SMIM14: variants seen among roughly 807,000 people sequenced by gnomAD.
The protein encoded by SMIM14 is chromosome 4 open reading frame 34.
In SMIM14, 5 loss-of-function variants were observed where a neutral mutation model predicts 12.6. That is an observed-to-expected ratio of 0.40 (90% CI 0.21 to 0.83). SMIM14 has a LOEUF of 0.83. Among genes scored for constraint, SMIM14 ranks in the 40% least tolerant of loss-of-function variants. The pLI, the probability that SMIM14 is intolerant of heterozygous loss-of-function variation, is 0.37. For synonymous variants in SMIM14, 30 were observed against 40.1 expected (o/e 0.75, Z 0.95); for missense variants, 86 against 119.1 (o/e 0.72, Z 1.29).
intron 2 of SMIM14, among the ~76,000 whole-genome samples, chr4:39,604,307 T>A (rs1451720596): frequency 7.2e-5 from 11 of 151,896 alleles, no homozygotes; most frequent in Non-Finnish European, 1.5e-4. Flanking sequence ...GGGGCTAAGG[T>A]GGGCAGAACA....
In SMIM14 at chr4:39,616,572, G is replaced by A. The variant is rs150715255; in HGVS notation, c.-35-11392C>T. ...TCCTCCCTGGTACCCACATCAAAAC[G>A]TAACAGAATAGTGTAACCTGACTGT... On this transcript the variant is annotated intron_variant, in intron 1 of 4. Coordinates refer to ENST00000295958, the MANE Select transcript of SMIM14 (RefSeq NM_174921.3). Among the ~76,000 whole-genome samples, 40 of 149,296 alleles carry A rather than the reference G, an allele frequency of 2.7e-4. No homozygotes were observed. In the East Asian group the frequency reaches 7.3e-3, roughly 27 times the overall value.
intron 2 of SMIM14, chr4:39,589,838 C>T (rs12504463): frequency 0.13 from 19,907 of 151,568 alleles, 1,956 homozygotes; most frequent in South Asian, 0.32. Context: ...GTCAGGAGTT[C>T]GAGACCAGTC....
chr4:39,637,724 T>C (rs776371055), intron 1 of SMIM14, among the ~76,000 whole-genome samples: 3 of 152,006 alleles, frequency 2.0e-5, no homozygotes, highest in Non-Finnish European at 2.9e-5. Context: ...CCACCCTAAG[T>C]GGAAGGGAAT....
intron 2 of SMIM14, among the ~76,000 whole-genome samples, chr4:39,585,288 T>C (rs926067491): frequency 1.5e-4 from 22 of 150,262 alleles, no homozygotes; most frequent in African/African-American, 4.9e-4. Context: ...CACATATTAC[T>C]TCTATTATTA....
chr4:39,618,778 T>C (rs1259403166), intron 1 of SMIM14, among the ~76,000 whole-genome samples: 1 of 152,130 alleles, frequency 6.6e-6, no homozygotes, highest in Non-Finnish European at 1.5e-5. Flanking sequence ...TAATAGCTTT[T>C]ATATTTTTTA....
chr4:39,578,024 T>A lies in SMIM14; in HGVS notation c.76-5561A>T, dbSNP rs1434797825. 2.0e-5 allele frequency among the ~76,000 whole-genome samples: 3 copies of A among 152,250 alleles called. No homozygotes were observed. The East Asian group carries it at 5.8e-4, about 29-fold the overall frequency. On this transcript the variant is annotated intron_variant, in intron 2 of 4. Coordinates refer to ENST00000295958, the MANE Select transcript of SMIM14 (RefSeq NM_174921.3). Reference sequence around the variant, plus strand: ...ACTTAAGGTTTTTGGCAAAGCAGAGTGTGCTGGAATGTATATTCAATGTGT... The same window carrying A: ...ACTTAAGGTTTTTGGCAAAGCAGAGAGTGCTGGAATGTATATTCAATGTGT...
intron 2 of SMIM14, among the ~76,000 whole-genome samples, chr4:39,581,866 GTCTTT>G (rs1334965049): frequency 7.1e-6 from 1 of 141,302 alleles, no homozygotes; most frequent in African/African-American, 2.6e-5. Context: ...CCCAGCAAAT[GTCTTT>G]TCTTTTTTTT....
chr4:39,592,639 TA>T (rs1392802638), intron 2 of SMIM14: 1 of 152,100 alleles, frequency 6.6e-6, no homozygotes, highest in Non-Finnish European at 1.5e-5. Flanking sequence ...TCAAATCATA[TA>T]ACTATGGTGC....
intron 1 of SMIM14, among the ~76,000 whole-genome samples, chr4:39,629,170 G>A (rs977180951): frequency 2.6e-5 from 4 of 151,592 alleles, no homozygotes; most frequent in Admixed American, 2.0e-4. Context: ...AGACCAGCCC[G>A]GCTAACATGG....
rs1473344687 is a variant in SMIM14, at chr4:39,549,648, C to A, written c.*2478G>T. 6.6e-6 allele frequency: 1 copy of A among 152,180 alleles called. No homozygotes were observed. The highest frequency in any genetic ancestry group is 1.5e-5 in the Non-Finnish European group (1 of 68,036). 9.4% of individuals were successfully genotyped at this position (152,180 alleles called of 1,614,324 possible). Reference sequence around the variant, plus strand: ...TCAATATCTCTTGCCAGGGATTGGCCTAACAGCTCAGAGAACAGATTGTTA... The same window carrying A: ...TCAATATCTCTTGCCAGGGATTGGCATAACAGCTCAGAGAACAGATTGTTA... On this transcript the variant is annotated 3_prime_UTR_variant, in exon 5 of 5. Coordinates refer to ENST00000295958, the MANE Select transcript of SMIM14 (RefSeq NM_174921.3).
rs919915609 is a variant in SMIM14, at chr4:39,630,498, T to G, written c.-36+8241A>C. Among the ~76,000 whole-genome samples the G allele has an allele frequency of 5.3e-5, 8 of 152,246 alleles. No individual in the cohort carries two copies. The East Asian group carries it at 1.4e-3, about 26-fold the overall frequency. ...CTTCCATATCATAGCTGAGATGACA[T>G]GTGCACAAAGATGCGCATAAACATC... On this transcript the variant is annotated intron_variant, in intron 1 of 4. Transcript: ENST00000295958.
At chr4:39,628,018 T>A (rs1715760959) in intron 1 of SMIM14, among the ~76,000 whole-genome samples, 1 of 151,766 alleles carries the variant, frequency 6.6e-6, no homozygotes, top group East Asian at 1.9e-4. Flanking sequence ...TTTTTAATCC[T>A]AAAAAAAAGG....
At chr4:39,574,315 G>A (rs1396957522) in intron 2 of SMIM14, among the ~76,000 whole-genome samples, 2 of 149,682 alleles carry the variant, frequency 1.3e-5, no homozygotes, top group Non-Finnish European at 3.0e-5. Context: ...GTGCAGTGGC[G>A]CAATCTCGGC....
rs188569897 is a variant in SMIM14, at chr4:39,562,152, T to C, written c.125-5582A>G. Reference sequence around the variant, plus strand: ...ACTCTAGGAGGCCGAGGCAGGAGGATCCCTGGAGCCCAGGCGTTTGAGACC... The same window carrying C: ...ACTCTAGGAGGCCGAGGCAGGAGGACCCCTGGAGCCCAGGCGTTTGAGACC... On this transcript the variant is annotated intron_variant, in intron 3 of 4. Coordinates refer to ENST00000295958, the MANE Select transcript of SMIM14 (RefSeq NM_174921.3). Among the ~76,000 whole-genome samples the C allele has an allele frequency of 2.9e-4, 44 of 151,354 alleles. No homozygotes were observed. The East Asian group carries it at 8.0e-3, about 28-fold the overall frequency.
chr4:39,581,606 C>G (rs772320165), intron 2 of SMIM14, among the ~76,000 whole-genome samples: 2 of 149,812 alleles, frequency 1.3e-5, no homozygotes, highest in East Asian at 3.9e-4. Context: ...ACCTCTGCAC[C>G]CCCACCCACC....
At position 39,552,150 on chromosome 4, in the gene SMIM14, A is replaced by G; in HGVS notation, c.276T>C (p.Asp92=). The G allele has an allele frequency of 6.3e-7, 1 of 1,593,902 alleles. No homozygotes were observed. Among genetic ancestry groups the G allele is most frequent in the Non-Finnish European group, 8.5e-7 (1 of 1,170,740 alleles). Residue 92 remains aspartate (D), a synonymous_variant, in exon 5 of 5, where the codon GAT becomes GAC. Transcript: ENST00000295958. ...GKPTSPHNGQ[D]PPAPPVD Reference sequence around the variant, plus strand: ...GTTAGTCCACAGGAGGAGCTGGTGGATCTTGTCCCTGGCATTAGAAAGAAA... The same window carrying G: ...GTTAGTCCACAGGAGGAGCTGGTGGGTCTTGTCCCTGGCATTAGAAAGAAA...
intron 2 of SMIM14, among the ~76,000 whole-genome samples, chr4:39,595,680 C>T (rs1714327735): frequency 1.3e-5 from 2 of 149,180 alleles, no homozygotes; most frequent in Admixed American, 6.7e-5. Flanking sequence ...ACAATCTTGG[C>T]TCACTTCAAC....
At chr4:39,559,036 C>T (rs766980571) in intron 3 of SMIM14, among the ~76,000 whole-genome samples, 1 of 152,190 alleles carries the variant, frequency 6.6e-6, no homozygotes, top group Non-Finnish European at 1.5e-5. Context: ...ATTTTGCATT[C>T]AGCTGTAACC....
chr4:39,606,262 C>A (rs891541275), intron 1 of SMIM14, among the ~76,000 whole-genome samples: 1 of 151,592 alleles, frequency 6.6e-6, no homozygotes, highest in African/African-American at 2.4e-5. Flanking sequence ...GGGAGGATTG[C>A]TTGAGCCCTG....
Sources: allele counts gnomAD v4.1 joint callset (sites outside exome capture counted in the v4.1 genomes callset), GRCh38; gene constraint gnomAD v4.1.1; transcripts MANE v1.5; gene names NCBI Gene and HGNC (gene_info 2026-07-23, HGNC 2026-07-21).